ANKRD11: variants seen among roughly 807,000 people sequenced by gnomAD.
ANKRD11 encodes ankyrin repeat domain-containing protein 11.
Under a neutral mutation model 195.7 loss-of-function variants are expected in ANKRD11, and 17 were observed. The ratio of observed to expected loss-of-function variants is 0.09; its 90% CI spans 0.06 to 0.13. The LOEUF is 0.13. Ranked by LOEUF, ANKRD11 falls within the 10% of genes least tolerant of loss-of-function variation. The pLI, the probability that ANKRD11 is intolerant of heterozygous loss-of-function variation, is 1.00. For missense variants in ANKRD11, 3,735 were observed against 3,566.1 expected (o/e 1.05, Z -1.21); for synonymous variants, 1,953 against 1,528.1 (o/e 1.28, Z -6.49).
In ANKRD11 at chr16:89,446,344, C is replaced by A. The variant is rs376737684; in HGVS notation, c.-144-27976G>T. Among the ~76,000 whole-genome samples, 26 of 152,304 alleles carry A rather than the reference C, an allele frequency of 1.7e-4. 1 individual carries two copies. In the South Asian group the frequency reaches 5.4e-3, roughly 32 times the overall value. On this transcript the variant is annotated intron_variant, in intron 1 of 12. Coordinates refer to ENST00000301030, the MANE Select transcript of ANKRD11 (RefSeq NM_013275.6). ...GGTGGACGGGCGCAGTGGCTCACGC[C>A]CCTAATCCCAGCACTTTGGGAGGCC...
At chr16:89,460,131 G>C (rs1260912204) in intron 1 of ANKRD11, among the ~76,000 whole-genome samples, 2 of 149,732 alleles carry the variant, frequency 1.3e-5, no homozygotes, top group East Asian at 2.0e-4. Context: ...CCAGCTACTC[G>C]GGAGGCTGAG....
chr16:89,326,819 C>T (rs920069325), intron 2 of ANKRD11, among the ~76,000 whole-genome samples: 4 of 152,232 alleles, frequency 2.6e-5, no homozygotes, highest in African/African-American at 9.6e-5. Flanking sequence ...TGCCCCAAAG[C>T]ATCTCCTAAG....
intron 1 of ANKRD11, among the ~76,000 whole-genome samples, chr16:89,455,366 C>G (rs1335807680): frequency 6.6e-6 from 1 of 152,122 alleles, no homozygotes; most frequent in African/African-American, 2.4e-5. Context: ...CTCATGCTAT[C>G]TCCCCTTAAG....
rs777385823 is a variant in ANKRD11 at position 89,280,485 on chromosome 16, G to A, written c.6057C>T (p.Pro2019=). The change falls in exon 9 of 13, where the codon CCC becomes CCT. Residue 2019 remains proline, a synonymous_variant. Transcript: ENST00000301030. ...SASEAPYPAP[P]ASPAPYALPV... is the part of the protein sequence containing the mutation. ...GCAGAGCGTACGGGGCAGGAGAGGCGGGAGGGGCGGGGTACGGCGCCTCCG... is the reference window on the plus strand; with the variant it reads ...GCAGAGCGTACGGGGCAGGAGAGGCAGGAGGGGCGGGGTACGGCGCCTCCG... The A allele has an allele frequency of 1.9e-6, 3 of 1,577,580 alleles. No individual in the cohort carries two copies. Among genetic ancestry groups the A allele is most frequent in the South Asian group, 1.1e-5 (1 of 87,886 alleles).
chr16:89,441,929 C>CA (rs1231559470), intron 1 of ANKRD11, among the ~76,000 whole-genome samples: 1 of 152,168 alleles, frequency 6.6e-6, no homozygotes, highest in African/African-American at 2.4e-5. Context: ...ATCATCCATG[C>CA]AAAGACCTTT....
At chr16:89,278,176 G>T in intron 9 of ANKRD11, 1 of 301,198 alleles carries the variant, frequency 3.3e-6, no homozygotes, top group South Asian at 2.9e-5. Context: ...GCTGGGGCTG[G>T]ATGGACCCTG....
At chr16:89,458,683 C>G (rs1041522066) in intron 1 of ANKRD11, among the ~76,000 whole-genome samples, 1 of 152,234 alleles carries the variant, frequency 6.6e-6, no homozygotes, top group African/African-American at 2.4e-5. Flanking sequence ...TACAAAGAAG[C>G]TGTTTCATTC....
chr16:89,445,899 G>A (rs771173119), intron 1 of ANKRD11, among the ~76,000 whole-genome samples: 10 of 151,722 alleles, frequency 6.6e-5, no homozygotes, highest in Non-Finnish European at 1.2e-4. Context: ...AACCCAAGAG[G>A]CAGACATTGT....
chr16:89,317,150 T>C (rs918745216), intron 2 of ANKRD11, 72 bp from the exon 3 acceptor site: 5 of 1,001,618 alleles, frequency 5.0e-6, no homozygotes, highest in Admixed American at 4.0e-5. Flanking sequence ...CACACCGCAC[T>C]CAACAGACTC....
At chr16:89,294,012 G>A (rs556870571) in intron 4 of ANKRD11, among the ~76,000 whole-genome samples, 7 of 152,274 alleles carry the variant, frequency 4.6e-5, no homozygotes, top group Admixed American at 3.9e-4. Context: ...GGCCATCTCA[G>A]GTGCAGCTCA....
At chr16:89,348,922 G>C (rs945568694) in intron 2 of ANKRD11, among the ~76,000 whole-genome samples, 3 of 148,218 alleles carry the variant, frequency 2.0e-5, no homozygotes, top group African/African-American at 7.4e-5. Context: ...GAAATCACGA[G>C]TTCAAGACCA....
intron 2 of ANKRD11, among the ~76,000 whole-genome samples, chr16:89,404,065 C>T (rs1204106831): frequency 6.6e-6 from 1 of 152,242 alleles, no homozygotes; most frequent in Non-Finnish European, 1.5e-5. Context: ...ACAGGAAACT[C>T]TCAGAGCAAA....
At chr16:89,320,382 T>C (rs889344322) in intron 2 of ANKRD11, 2 of 152,226 alleles carry the variant, frequency 1.3e-5, no homozygotes, top group African/African-American at 4.8e-5. Flanking sequence ...AAGTCTATTT[T>C]AAACTCACGA....
intron 2 of ANKRD11, among the ~76,000 whole-genome samples, chr16:89,366,624 C>G (rs1216913311): frequency 6.6e-6 from 1 of 152,222 alleles, no homozygotes; most frequent in East Asian, 1.9e-4. Context: ...AGGCTGCCAT[C>G]TTGCCTTGGC....
chr16:89,329,873 G>A (rs569310915), intron 2 of ANKRD11, among the ~76,000 whole-genome samples: 1 of 152,134 alleles, frequency 6.6e-6, no homozygotes, highest in Admixed American at 6.5e-5. Flanking sequence ...GGGCATGGTG[G>A]TGCGTGCCTG....
chr16:89,300,372 C>T, intron 4 of ANKRD11: 1 of 199,168 alleles, frequency 5.0e-6, no homozygotes. Flanking sequence ...GCTGAGGCCA[C>T]TGGTCCACGG....
intron 2 of ANKRD11, among the ~76,000 whole-genome samples, chr16:89,363,040 G>A (rs553189040): frequency 1.3e-5 from 2 of 151,996 alleles, no homozygotes; most frequent in South Asian, 2.1e-4. Context: ...AACTGCTGGC[G>A]AGTGTACCCT....
At chr16:89,335,858 AG>A (rs2151978749) in intron 2 of ANKRD11, among the ~76,000 whole-genome samples, 1 of 152,284 alleles carries the variant, frequency 6.6e-6, no homozygotes, top group Non-Finnish European at 1.5e-5. Context: ...GTGCTTCTAA[AG>A]GGCTAGGAGA....
chr16:89,357,696 C>T (rs912830893), intron 2 of ANKRD11, among the ~76,000 whole-genome samples: 1 of 152,208 alleles, frequency 6.6e-6, no homozygotes, highest in Non-Finnish European at 1.5e-5. Flanking sequence ...GAATGCCTGT[C>T]ACAGCCAATG....
Sources: gnomAD v4.1 joint callset for allele counts (sites outside exome capture counted in the v4.1 genomes callset) on GRCh38, gnomAD v4.1.1 for gene constraint, MANE v1.5 for transcripts, NCBI Gene and HGNC (gene_info 2026-07-23, HGNC 2026-07-21) for gene names.